The following CAMK1D variants were observed in gnomAD, a reference collection of about 807,000 sequenced individuals.
CAMK1D encodes calcium/calmodulin dependent protein kinase ID, also known as calcium/calmodulin-dependent protein kinase type 1D.
CAMK1D carries 9 observed loss-of-function variants against 47.7 expected under a neutral mutation model. That is an observed-to-expected ratio of 0.19 (90% CI 0.11 to 0.33). CAMK1D has a LOEUF of 0.33. CAMK1D is among the 10% of genes least tolerant of loss of function. The probability of loss-of-function intolerance (pLI) is 1.00; values close to 1 mark genes in which losing one functional copy is unlikely to be tolerated. For missense variants in CAMK1D, 291 were observed against 488.7 expected (o/e 0.60, Z 3.81); for synonymous variants, 184 against 184.9 (o/e 0.99, Z 0.04).
chr10:12,776,289 G>C (rs1271495446), intron 5 of CAMK1D, among the ~76,000 whole-genome samples: 1 of 152,238 alleles, frequency 6.6e-6, no homozygotes, highest in Non-Finnish European at 1.5e-5. Context: ...GATAACCCTG[G>C]GAGGGTGCAG....
chr10:12,816,374 CT>C, intron 8 of CAMK1D, 46 bp downstream of exon 8: 1 of 1,488,792 alleles, frequency 6.7e-7, no homozygotes, highest in Non-Finnish European at 9.3e-7. Context: ...TTAATGCCAT[CT>C]GGGGGGGGCA....
chr10:12,745,990 T>C (rs2130859434), intron 3 of CAMK1D, among the ~76,000 whole-genome samples: 1 of 152,344 alleles, frequency 6.6e-6, no homozygotes, highest in Admixed American at 6.5e-5. Context: ...CCTTTGGTAC[T>C]TAGACAACAT....
intron 3 of CAMK1D, among the ~76,000 whole-genome samples, chr10:12,732,668 CCG>C: frequency 8.4e-6 from 1 of 119,196 alleles, no homozygotes; most frequent in African/African-American, 4.0e-5. Context: ...TCAATTACCC[CCG>C]CCCCCCCCGC....
At chr10:12,772,649 G>A (rs779645041) in intron 5 of CAMK1D, among the ~76,000 whole-genome samples, 4 of 152,214 alleles carry the variant, frequency 2.6e-5, no homozygotes, top group Non-Finnish European at 5.9e-5. Context: ...GACGTGTCGG[G>A]AATGGTGTTG....
intron 6 of CAMK1D, among the ~76,000 whole-genome samples, chr10:12,813,494 A>G (rs73578022): frequency 0.03 from 4,497 of 152,252 alleles, 97 homozygotes; most frequent in Middle Eastern, 0.092. Flanking sequence ...GGACAGTATT[A>G]CATACAGTAA....
intron 1 of CAMK1D, among the ~76,000 whole-genome samples, chr10:12,513,312 T>C (rs1359875765): frequency 6.6e-6 from 1 of 152,154 alleles, no homozygotes; most frequent in Non-Finnish European, 1.5e-5. Flanking sequence ...GGACAGGCCA[T>C]AAATGAATCG....
chr10:12,731,801 A>G (rs1320623878), intron 3 of CAMK1D, among the ~76,000 whole-genome samples: 3 of 152,178 alleles, frequency 2.0e-5, no homozygotes, highest in East Asian at 3.8e-4. Flanking sequence ...TGGGCTGGAA[A>G]GATTGAAGGT....
At chr10:12,688,670 C>A (rs974415175) in intron 3 of CAMK1D, among the ~76,000 whole-genome samples, 3 of 151,950 alleles carry the variant, frequency 2.0e-5, no homozygotes, top group Non-Finnish European at 2.9e-5. Context: ...AAATGAGTTA[C>A]ATTCTTTTAT....
intron 2 of CAMK1D, among the ~76,000 whole-genome samples, chr10:12,573,972 G>A (rs572774418): frequency 6.7e-6 from 1 of 149,912 alleles, no homozygotes; most frequent in East Asian, 2.0e-4. Flanking sequence ...CACTGCACTT[G>A]GCACCTTCTT....
At chr10:12,369,596 G>T (rs1837946891) in intron 1 of CAMK1D, among the ~76,000 whole-genome samples, 2 of 152,142 alleles carry the variant, frequency 1.3e-5, no homozygotes, top group Admixed American at 6.6e-5. Flanking sequence ...ATAATGAGTT[G>T]CTATGTGTCA....
chr10:12,352,922 A>G (rs1366635586), intron 1 of CAMK1D, among the ~76,000 whole-genome samples: 3 of 151,946 alleles, frequency 2.0e-5, no homozygotes, highest in African/African-American at 7.2e-5. Context: ...TATTTTTAGT[A>G]GAGACGGGGT....
chr10:12,666,488 C>A (rs1840434792), intron 2 of CAMK1D, among the ~76,000 whole-genome samples: 1 of 152,124 alleles, frequency 6.6e-6, no homozygotes. Flanking sequence ...CATGAAGCAA[C>A]AATTGTTAAT....
chr10:12,374,348 A>G (rs1183361624), intron 1 of CAMK1D, among the ~76,000 whole-genome samples: 1 of 151,988 alleles, frequency 6.6e-6, no homozygotes, highest in African/African-American at 2.4e-5. Context: ...CTTTACAGTA[A>G]TGGTTAGGAG....
chr10:12,681,058 G>A (rs1397364045), intron 3 of CAMK1D, among the ~76,000 whole-genome samples: 3 of 152,062 alleles, frequency 2.0e-5, no homozygotes, highest in Non-Finnish European at 4.4e-5. Context: ...GCAGCCAGGA[G>A]GATCACTATG....
At position 12,694,151 on chromosome 10, in the gene CAMK1D, T is replaced by TATTATATATTATATATTATATAA. The variant is rs1564498230; in HGVS notation, c.299+27342_299+27343insTTATATATTATATATTATATAAA. Among the ~76,000 whole-genome samples the TATTATATATTATATATTATATAA allele has an allele frequency of 4.2e-3, 74 of 17,450 alleles. 12 individuals are homozygous for TATTATATATTATATATTATATAA. The highest frequency in any genetic ancestry group is 0.016 in the African/African-American group (73 of 4,664). 11.4% of individuals were successfully genotyped at this position (17,450 alleles called of 152,430 possible). ...TATATATTATATATAATATAATATA[T>TATTATATATTATATATTATATAA]AATATATATTATGCATAATATATAT... is the stretch of plus-strand genomic sequence containing the variant. On this transcript the variant is annotated intron_variant, in intron 3 of 10. Coordinates refer to ENST00000619168, the MANE Select transcript of CAMK1D (RefSeq NM_153498.4).
chr10:12,666,265 C>A (rs1346987183), intron 2 of CAMK1D, among the ~76,000 whole-genome samples: 1 of 152,016 alleles, frequency 6.6e-6, no homozygotes, highest in Admixed American at 6.6e-5. Context: ...GAAACTGTTC[C>A]CTGGAACATA....
At chr10:12,774,353 C>T (rs564946240) in intron 5 of CAMK1D, among the ~76,000 whole-genome samples, 6 of 152,084 alleles carry the variant, frequency 3.9e-5, no homozygotes, top group African/African-American at 1.4e-4. Flanking sequence ...GCGAGAGAAC[C>T]GACCATGCAG....
In CAMK1D at chr10:12,706,205, G is replaced by GA. The variant is rs549201409; in HGVS notation, c.299+39396dup. On this transcript the variant is annotated intron_variant, in intron 3 of 10. Coordinates refer to ENST00000619168, the MANE Select transcript of CAMK1D (RefSeq NM_153498.4). ...GAGGGATGATTCATATCCTGGGTGA[G>GA]ACAGAGTAGGATGGCACAGGATTTC... is the stretch of plus-strand genomic sequence containing the variant. Among the ~76,000 whole-genome samples the GA allele has an allele frequency of 1.1e-4, 17 of 152,322 alleles. No homozygotes were observed. The East Asian group carries it at 3.1e-3, about 28-fold the overall frequency.
intron 1 of CAMK1D, among the ~76,000 whole-genome samples, chr10:12,491,306 T>C (rs1364908982): frequency 3.3e-5 from 5 of 152,150 alleles, no homozygotes; most frequent in African/African-American, 1.2e-4. Flanking sequence ...GATGTGGTGG[T>C]CTTCACACCA....
Sources: allele counts gnomAD v4.1 joint callset (sites outside exome capture counted in the v4.1 genomes callset), GRCh38; gene constraint gnomAD v4.1.1; transcripts MANE v1.5; gene names NCBI Gene and HGNC (gene_info 2026-07-23, HGNC 2026-07-21).